The following DSTYK variants were observed in gnomAD, a reference collection of about 807,000 sequenced individuals.
DSTYK encodes dual serine/threonine and tyrosine protein kinase.
DSTYK carries 34 observed loss-of-function variants against 98.7 expected under a neutral mutation model. The ratio of observed to expected loss-of-function variants is 0.34; its 90% confidence interval spans 0.26 to 0.46. The LOEUF is 0.46. Ranked by LOEUF, DSTYK falls within the 20% of genes least tolerant of loss-of-function variation. DSTYK has a pLI of 1.00. For synonymous variants in DSTYK, 462 were observed against 457.3 expected, an observed-to-expected ratio of 1.01 and a Z score of -0.13; for missense variants, 962 against 1,181.7, an observed-to-expected ratio of 0.81 and a Z score of 2.73.
Position 205,146,571 on chromosome 1 carries a change from CTATTT to C in DSTYK, c.*982_*986del, listed in dbSNP as rs1425098742. ...ACACACAAATATATGCATACACATTCTATTTTTTTTTTTTTTTTGAGACAGAGTCT... is the reference window on the plus strand; with the variant it reads ...ACACACAAATATATGCATACACATTCTTTTTTTTTTTTTGAGACAGAGTCT... On this transcript the variant is annotated 3_prime_UTR_variant, in exon 13 of 13. Coordinates refer to ENST00000367162, the MANE Select transcript of DSTYK (RefSeq NM_015375.3). 1 of 149,812 alleles carries C rather than the reference CTATTT, an allele frequency of 6.7e-6. No individual in the cohort carries two copies. The highest frequency in any genetic ancestry group is 1.5e-5 in the Non-Finnish European group (1 of 67,612). 9.3% of individuals were successfully genotyped at this position (149,812 alleles called of 1,614,324 possible).
Position 205,191,999 on chromosome 1 carries a change from CTGT to C in DSTYK, c.266-4196_266-4194del, listed in dbSNP as rs531251695. On this transcript the variant is annotated intron_variant, in intron 1 of 12. Transcript: ENST00000367162. ...TTGTCTTAAGTGCAAACCAAGGCTT[CTGT>C]TGTTGTTGTTGTTCTTGGTGGTTGT... Among the ~76,000 whole-genome samples the C allele has an allele frequency of 2.8e-3, 432 of 152,084 alleles. 1 individual carries two copies. The highest frequency in any genetic ancestry group is 6.8e-3 in the Middle Eastern group (2 of 292).
chr1:205,174,715 A>G (rs531146623), intron 2 of DSTYK, among the ~76,000 whole-genome samples: 52 of 148,420 alleles, frequency 3.5e-4, no homozygotes, highest in African/African-American at 1.2e-3. Flanking sequence ...TAATTAAAAA[A>G]AGGGATTTCA....
Position 205,148,311 on chromosome 1 carries a change from G to A in DSTYK, c.2496C>T (p.Tyr832=), listed in dbSNP as rs1657304445. 2.5e-6 allele frequency: 4 copies of A among 1,614,050 alleles called. No homozygotes were observed. Among genetic ancestry groups the A allele is most frequent in the African/African-American group, 1.3e-5 (1 of 75,032 alleles). Residue 832 remains tyrosine, a synonymous_variant, in exon 12 of 13, where the codon TAC becomes TAT. Coordinates refer to ENST00000367162, the MANE Select transcript of DSTYK (RefSeq NM_015375.3). The part of the protein sequence containing the change: ...TGKYDNSVDV[Y]AFGILFWYIC... ...TATACCAGAAAAGAATTCCAAAAGCGTAGACATCCACGGAATTATCGTACT... is the reference window on the plus strand; with the variant it reads ...TATACCAGAAAAGAATTCCAAAAGCATAGACATCCACGGAATTATCGTACT...
chr1:205,161,286 G>A lies in DSTYK; in HGVS notation c.1920C>T (p.Ser640=). Residue 640 remains serine, a synonymous_variant, in exon 7 of 13, where the codon AGC becomes AGT. Coordinates refer to ENST00000367162, the MANE Select transcript of DSTYK (RefSeq NM_015375.3). ...APRLARLSLE[S]CSLQDVLLHR... The stretch of plus-strand genomic sequence containing the variant: ...GAAGCAAGACATCCTGTAAAGAACA[G>A]CTTTCCAGAGAAAGGCGGGCCAGGC... The A allele has an allele frequency of 1.2e-6, 2 of 1,614,096 alleles. No homozygotes were observed. Among genetic ancestry groups the A allele is most frequent in the Non-Finnish European group, 1.7e-6 (2 of 1,179,976 alleles).
Position 205,154,969 on chromosome 1 carries a change from A to AATTTATTT in DSTYK, c.2352+2296_2352+2303dup, listed in dbSNP as rs34240202. Among the ~76,000 whole-genome samples, 1,260 of 147,880 alleles carry AATTTATTT rather than the reference A, an allele frequency of 8.5e-3. 37 individuals are homozygous for AATTTATTT. In the East Asian group the frequency reaches 0.11, roughly 12 times the overall value. ...ATGACTCAGGGTATCTGGTGGAAGA[A>AATTTATTT]ATTTATTTATTTATTTATTTATTTA... On this transcript the variant is annotated intron_variant, in intron 10 of 12. Coordinates refer to ENST00000367162, the MANE Select transcript of DSTYK (RefSeq NM_015375.3).
intron 2 of DSTYK, among the ~76,000 whole-genome samples, chr1:205,171,809 G>A (rs745754381): frequency 2.6e-5 from 4 of 152,168 alleles, no homozygotes; most frequent in African/African-American, 9.7e-5. Flanking sequence ...AGTTATAAAA[G>A]AACTCAACAC....
At chr1:205,174,314 A>T (rs1658160616) in intron 2 of DSTYK, among the ~76,000 whole-genome samples, 1 of 151,994 alleles carries the variant, frequency 6.6e-6, no homozygotes, top group Non-Finnish European at 1.5e-5. Context: ...GGAGTTCAAG[A>T]TCAGCTTGGC....
intron 2 of DSTYK, among the ~76,000 whole-genome samples, chr1:205,170,449 C>T (rs78641355): frequency 2.0e-5 from 3 of 152,294 alleles, no homozygotes; most frequent in East Asian, 1.9e-4. Context: ...GGTCTGTAAA[C>T]TCTTTGAGGG....
Position 205,157,761 on chromosome 1 carries a change from C to CAA in DSTYK, c.2239-377_2239-376dup, listed in dbSNP as rs11404936. 1.5e-3 allele frequency among the ~76,000 whole-genome samples: 167 copies of CAA among 107,864 alleles called. 1 individual carries two copies. Among genetic ancestry groups the CAA allele is most frequent in the Middle Eastern group, 8.6e-3 (2 of 232 alleles). The allele number at this position is 107,864 out of a possible 152,430, so 70.8% of individuals were successfully genotyped here. ...TGGGTGACAGAGCAAGACTCTGTCT[C>CAA]AAAAAAAAAAAAAAAAGGTTGGGGG... On this transcript the variant is annotated intron_variant, in intron 9 of 12. Coordinates refer to ENST00000367162, the MANE Select transcript of DSTYK (RefSeq NM_015375.3).
At chr1:205,205,646 A>C (rs1160147449) in intron 1 of DSTYK, among the ~76,000 whole-genome samples, 1 of 151,942 alleles carries the variant, frequency 6.6e-6, no homozygotes, top group South Asian at 2.1e-4. Context: ...ATGTTTCACC[A>C]TGCTGGCAGG....
intron 1 of DSTYK, among the ~76,000 whole-genome samples, chr1:205,210,887 T>C (rs956467917): frequency 1.3e-5 from 2 of 152,248 alleles, no homozygotes; most frequent in African/African-American, 2.4e-5. Context: ...ACTGGGGCTC[T>C]GACCCACAAC....
intron 1 of DSTYK, among the ~76,000 whole-genome samples, chr1:205,200,909 A>AT (rs113337026): frequency 3.1e-3 from 460 of 146,048 alleles, no homozygotes; most frequent in Non-Finnish European, 4.6e-3. Flanking sequence ...TAATAATTTA[A>AT]TTTTTTTTTT....
intron 2 of DSTYK, among the ~76,000 whole-genome samples, chr1:205,174,618 G>A (rs1044955067): frequency 8.6e-5 from 13 of 151,652 alleles, no homozygotes; most frequent in African/African-American, 2.9e-4. Flanking sequence ...GGGAGGTGGA[G>A]GTTGCAGTGA....
At chr1:205,191,579 G>T (rs1372322113) in intron 1 of DSTYK, among the ~76,000 whole-genome samples, 3 of 152,296 alleles carry the variant, frequency 2.0e-5, no homozygotes, top group East Asian at 3.9e-4. Flanking sequence ...AAAGACCAAT[G>T]ATGTGAGGGG....
At chr1:205,171,476 G>C (rs1658062795) in intron 2 of DSTYK, among the ~76,000 whole-genome samples, 1 of 120,494 alleles carries the variant, frequency 8.3e-6, no homozygotes, top group Non-Finnish European at 1.9e-5. Context: ...AAAAAAAAAA[G>C]ATCTTTGAGG....
rs386369411 is a variant in DSTYK, at chr1:205,182,498, TAAAAAAAAAAAA to T, written c.654+4908_654+4919del. Among the ~76,000 whole-genome samples, 308 of 77,762 alleles carry T rather than the reference TAAAAAAAAAAAA, an allele frequency of 4.0e-3. 1 individual carries two copies. The highest frequency in any genetic ancestry group is 0.016 in the African/African-American group (294 of 17,990). 51.0% of individuals were successfully genotyped at this position (77,762 alleles called of 152,430 possible). ...TCCCATTGGTTAGAGTTAAAAACGGTAAAAAAAAAAAAAAAAAAAAAAAAAGGCCAGGCGCTG... is the reference window on the plus strand; with the variant it reads ...TCCCATTGGTTAGAGTTAAAAACGGTAAAAAAAAAAAAAGGCCAGGCGCTG... On this transcript the variant is annotated intron_variant, in intron 2 of 12. Coordinates refer to ENST00000367162, the MANE Select transcript of DSTYK (RefSeq NM_015375.3).
Position 205,162,886 on chromosome 1 carries a change from G to C in DSTYK, c.1641+37C>G, listed in dbSNP as rs1275317761. The C allele has an allele frequency of 2.0e-6, 3 of 1,504,598 alleles. No homozygotes were observed. The Admixed American group carries it at 5.0e-5, about 25-fold the overall frequency. The allele number at this position is 1,504,598 out of a possible 1,614,324, so 93.2% of individuals were successfully genotyped here. On this transcript the variant is annotated intron_variant, in intron 5 of 12. Coordinates refer to ENST00000367162, the MANE Select transcript of DSTYK (RefSeq NM_015375.3). Reference sequence around the variant, plus strand: ...CACTATGATTCATTTGAGCCAACTAGGGGCTTTGAAATCTTTCTCTAAGTA... The same window carrying C: ...CACTATGATTCATTTGAGCCAACTACGGGCTTTGAAATCTTTCTCTAAGTA...
At chr1:205,205,490 A>C (rs982116810) in intron 1 of DSTYK, among the ~76,000 whole-genome samples, 1 of 151,938 alleles carries the variant, frequency 6.6e-6, no homozygotes, top group Non-Finnish European at 1.5e-5. Context: ...CTATCACCCA[A>C]GCTGGAGTGC....
At chr1:205,175,328 G>T (rs1658197685) in intron 2 of DSTYK, among the ~76,000 whole-genome samples, 1 of 151,832 alleles carries the variant, frequency 6.6e-6, no homozygotes, top group Non-Finnish European at 1.5e-5. Context: ...TCCTGACCTC[G>T]TGATCCGCCT....
Sources: gnomAD v4.1 joint callset for allele counts (sites outside exome capture counted in the v4.1 genomes callset) on GRCh38, gnomAD v4.1.1 for gene constraint, MANE v1.5 for transcripts, NCBI Gene and HGNC (gene_info 2026-07-23, HGNC 2026-07-21) for gene names.